ADAMTS19: variants seen among roughly 807,000 people sequenced by gnomAD.
The protein encoded by ADAMTS19 is A disintegrin and metalloproteinase with thrombospondin motifs 19.
Under a neutral mutation model 153.3 loss-of-function variants are expected in ADAMTS19, and 93 were observed. That is an observed-to-expected ratio of 0.61 (90% CI 0.51 to 0.72). ADAMTS19 has a LOEUF of 0.72. ADAMTS19 is among the 30% of genes least tolerant of loss of function. The pLI is 0.00. For missense variants in ADAMTS19, 1,482 were observed against 1,552.1 expected (o/e 0.95, Z 0.76); for synonymous variants, 600 against 556.6 (o/e 1.08, Z -1.10).
intron 8 of ADAMTS19, among the ~76,000 whole-genome samples, chr5:129,614,329 T>C (rs944814299): frequency 6.6e-6 from 1 of 152,126 alleles, no homozygotes; most frequent in Non-Finnish European, 1.5e-5. Context: ...TCAAAAAGCT[T>C]ATCCACCATG....
chr5:129,512,269 T>A (rs889009573), intron 3 of ADAMTS19, among the ~76,000 whole-genome samples: 1 of 152,090 alleles, frequency 6.6e-6, no homozygotes, highest in Non-Finnish European at 1.5e-5. Context: ...AGGCCACTAC[T>A]GAACTAGTTC....
intron 2 of ADAMTS19, among the ~76,000 whole-genome samples, chr5:129,466,746 C>T (rs535093710): frequency 2.6e-5 from 4 of 152,120 alleles, no homozygotes; most frequent in South Asian, 2.1e-4. Context: ...AAATACATGC[C>T]GTTATACGCT....
intron 10 of ADAMTS19, among the ~76,000 whole-genome samples, chr5:129,636,647 C>T (rs1752547082): frequency 6.6e-6 from 1 of 152,108 alleles, no homozygotes. Flanking sequence ...GAGAGAATGT[C>T]AAACTTATTC....
chr5:129,727,439 C>A (rs1359969665), intron 21 of ADAMTS19, among the ~76,000 whole-genome samples: 1 of 152,136 alleles, frequency 6.6e-6, no homozygotes, highest in East Asian at 1.9e-4. Flanking sequence ...TTTCAAAATT[C>A]ATTAATGTTT....
At chr5:129,724,206 C>T (rs1757115978) in intron 21 of ADAMTS19, among the ~76,000 whole-genome samples, 1 of 152,216 alleles carries the variant, frequency 6.6e-6, no homozygotes, top group Non-Finnish European at 1.5e-5. Context: ...CCCACAAGAG[C>T]AGCTTTGCAT....
intron 8 of ADAMTS19, among the ~76,000 whole-genome samples, chr5:129,619,676 A>T (rs1328788994): frequency 6.6e-6 from 1 of 152,034 alleles, no homozygotes; most frequent in Non-Finnish European, 1.5e-5. Flanking sequence ...TTAGAGGGAC[A>T]GAATTCAGGT....
In ADAMTS19 at chr5:129,521,649, C is replaced by T. The variant is rs920782381; in HGVS notation, c.914-4635C>T. Among the ~76,000 whole-genome samples, 5 of 152,142 alleles carry T rather than the reference C, an allele frequency of 3.3e-5. 1 individual carries two copies. In the South Asian group the frequency reaches 6.2e-4, roughly 19 times the overall value. On this transcript the variant is annotated intron_variant, in intron 3 of 22. Coordinates refer to ENST00000274487, the MANE Select transcript of ADAMTS19 (RefSeq NM_133638.6). ...CCTAAGCTCTCTATACTTCGTCTAGCTTCTAGCCTATAGGATGAAGGAAGG... is the reference window on the plus strand; with the variant it reads ...CCTAAGCTCTCTATACTTCGTCTAGTTTCTAGCCTATAGGATGAAGGAAGG...
intron 6 of ADAMTS19, among the ~76,000 whole-genome samples, chr5:129,543,103 G>A (rs910169710): frequency 6.6e-6 from 1 of 150,482 alleles, no homozygotes; most frequent in African/African-American, 2.4e-5. Context: ...AGGCTGGAGT[G>A]CAATGGCATG....
At chr5:129,571,477 G>A (rs1013261843) in intron 7 of ADAMTS19, among the ~76,000 whole-genome samples, 3 of 151,338 alleles carry the variant, frequency 2.0e-5, no homozygotes, top group African/African-American at 4.8e-5. Flanking sequence ...AACCAAACAG[G>A]TACAAAATCT....
chr5:129,463,567 G>A (rs890454162), intron 2 of ADAMTS19, among the ~76,000 whole-genome samples: 1 of 152,120 alleles, frequency 6.6e-6, no homozygotes, highest in Non-Finnish European at 1.5e-5. Flanking sequence ...TTAGGAGTTA[G>A]ATTTTCAGTA....
chr5:129,553,541 T>C (rs189014611), intron 7 of ADAMTS19, among the ~76,000 whole-genome samples: 33 of 152,264 alleles, frequency 2.2e-4, no homozygotes, highest in Non-Finnish European at 4.3e-4. Flanking sequence ...TTCATTAAGA[T>C]CTTCAAATAA....
intron 21 of ADAMTS19, among the ~76,000 whole-genome samples, chr5:129,713,023 C>T (rs1196647612): frequency 2.0e-5 from 3 of 152,168 alleles, no homozygotes; most frequent in Non-Finnish European, 4.4e-5. Flanking sequence ...TAAAATAATA[C>T]TTTTGATCAC....
intron 2 of ADAMTS19, among the ~76,000 whole-genome samples, chr5:129,503,701 G>A (rs1393599929): frequency 6.6e-6 from 1 of 151,992 alleles, no homozygotes; most frequent in Non-Finnish European, 1.5e-5. Context: ...GGTAGTGGGT[G>A]CCTGTGATCC....
At chr5:129,577,367 T>C (rs1442872240) in intron 7 of ADAMTS19, among the ~76,000 whole-genome samples, 1 of 152,100 alleles carries the variant, frequency 6.6e-6, no homozygotes. Flanking sequence ...GCTTACATTT[T>C]GATGGAGACA....
intron 8 of ADAMTS19, among the ~76,000 whole-genome samples, chr5:129,603,980 C>A (rs749567033): frequency 6.6e-6 from 1 of 152,082 alleles, no homozygotes; most frequent in Non-Finnish European, 1.5e-5. Flanking sequence ...TCTCTTCAGC[C>A]ATACTTCATT....
At chr5:129,641,538 C>T (rs747452502) in intron 10 of ADAMTS19, among the ~76,000 whole-genome samples, 1 of 152,098 alleles carries the variant, frequency 6.6e-6, no homozygotes, top group East Asian at 1.9e-4. Context: ...TGTGTCATAG[C>T]ATATAAATGA....
At chr5:129,530,287 T>C (rs989215568) in intron 6 of ADAMTS19, among the ~76,000 whole-genome samples, 4 of 152,136 alleles carry the variant, frequency 2.6e-5, no homozygotes, top group African/African-American at 4.8e-5. Context: ...ATTAATGTTG[T>C]TGTAATTGGA....
chr5:129,562,786 AG>A (rs1306128365), intron 7 of ADAMTS19, among the ~76,000 whole-genome samples: 1 of 152,056 alleles, frequency 6.6e-6, no homozygotes, highest in Non-Finnish European at 1.5e-5. Context: ...TTGATGAGAG[AG>A]GCTGTGTATC....
At chr5:129,546,923 T>C (rs1752882004) in intron 6 of ADAMTS19, among the ~76,000 whole-genome samples, 1 of 150,874 alleles carries the variant, frequency 6.6e-6, no homozygotes, top group South Asian at 2.1e-4. Flanking sequence ...CATGAAAAAT[T>C]GAAGGGAGAG....
Sources: allele counts gnomAD v4.1 joint callset (sites outside exome capture counted in the v4.1 genomes callset), GRCh38; gene constraint gnomAD v4.1.1; transcripts MANE v1.5; gene names NCBI Gene and HGNC (gene_info 2026-07-23, HGNC 2026-07-21).